Variants in ASB18 observed in about 807,000 individuals in gnomAD.
ASB18 encodes ankyrin repeat and SOCS box containing 18, also known as ankyrin repeat and SOCS box protein 18.
A neutral mutation model predicts 33.4 loss-of-function variants in ASB18; 33 were observed. The observed-to-expected ratio is 0.99, with a 90% CI of 0.75 to 1.32. The LOEUF is 1.32. Among genes scored for constraint, ASB18 ranks in the 40% most tolerant of loss-of-function variants. ASB18 has a pLI of 0.00. For synonymous variants in ASB18, 295 were observed against 307.6 expected, an observed-to-expected ratio of 0.96 and a Z score of 0.43; for missense variants, 694 against 655.5, an observed-to-expected ratio of 1.06 and a Z score of -0.64.
rs894193382 is a variant in ASB18, at chr2:236,220,209, C to T, written c.597-5343G>A. On this transcript the variant is annotated intron_variant, in intron 3 of 5. Transcript: ENST00000409749. The surrounding 1 kb of genome is among the most constrained non-coding windows in gnomAD (Gnocchi z 5.1). ...GGACTTTGGCCACTCCCTGCACACC[C>T]TCCCATCCACCCTCCAGCACCTTCC... Among the ~76,000 whole-genome samples the T allele has an allele frequency of 6.6e-6, 1 of 152,218 alleles. No homozygotes were observed. Among genetic ancestry groups the T allele is most frequent in the Non-Finnish European group, 1.5e-5 (1 of 68,024 alleles).
intron 4 of ASB18, among the ~76,000 whole-genome samples, chr2:236,210,947 T>C (rs1261755827): frequency 6.6e-6 from 1 of 152,164 alleles, no homozygotes. Flanking sequence ...ACCAGAAATG[T>C]GCTCCTCAAA....
At position 236,222,509 on chromosome 2, in the gene ASB18, ATTTGT is replaced by A. The variant is rs1361580923; in HGVS notation, c.597-7648_597-7644del. ...ACTGAAAAATGATTTAGTGAACAAG[ATTTGT>A]ACAGTCAGCTCCACTGTGTGCCCCA... On this transcript the variant is annotated intron_variant, in intron 3 of 5. Coordinates refer to ENST00000409749, the MANE Select transcript of ASB18 (RefSeq NM_212556.4). This position sits in a 1 kb window ranked among gnomAD's most constrained non-coding sequence, Gnocchi z 5.5. 6.6e-6 allele frequency among the ~76,000 whole-genome samples: 1 copy of A among 152,220 alleles called. No homozygotes were observed. The highest frequency in any genetic ancestry group is 1.5e-5 in the Non-Finnish European group (1 of 68,038).
chr2:236,254,496 A>G (rs912156624), intron 1 of ASB18, among the ~76,000 whole-genome samples: 12 of 151,632 alleles, frequency 7.9e-5, no homozygotes, highest in Non-Finnish European at 1.6e-4. Context: ...TTTTACCACT[A>G]AATTTGGGAA....
At chr2:236,218,963 G>C (rs1047209517) in intron 3 of ASB18, among the ~76,000 whole-genome samples, 3 of 151,672 alleles carry the variant, frequency 2.0e-5, no homozygotes, top group African/African-American at 7.3e-5. Context: ...CTGAACTTCT[G>C]GGCTCCAGCA....
chr2:236,261,306 C>T (rs1316713367), intron 1 of ASB18, among the ~76,000 whole-genome samples: 1 of 152,220 alleles, frequency 6.6e-6, no homozygotes, highest in Non-Finnish European at 1.5e-5. Flanking sequence ...TCTTCCTTTG[C>T]ATTGGCTTAG....
In ASB18 at chr2:236,255,765, C is replaced by A. The variant is rs983313924; in HGVS notation, c.205+8376G>T. 6.6e-6 allele frequency among the ~76,000 whole-genome samples: 1 copy of A among 152,168 alleles called. No homozygotes were observed. Among genetic ancestry groups the A allele is most frequent in the African/African-American group, 2.4e-5 (1 of 41,442 alleles). ...AATGTGTAGCCTCAAACAATATCGT[C>A]CCAATCTCTTTGCCTGGGGCTTCCT... On this transcript the variant is annotated intron_variant, in intron 1 of 5. Transcript: ENST00000409749. This position sits in a 1 kb window ranked among gnomAD's most constrained non-coding sequence, Gnocchi z 4.4.
chr2:236,219,815 T>C lies in ASB18; in HGVS notation c.597-4949A>G, dbSNP rs2060502948. On this transcript the variant is annotated intron_variant, in intron 3 of 5. Coordinates refer to ENST00000409749, the MANE Select transcript of ASB18 (RefSeq NM_212556.4). The surrounding 1 kb of genome is among the most constrained non-coding windows in gnomAD (Gnocchi z 6.4). ...GATTTTGTGAGTGGGTTTCCTGCTG[T>C]CCTGATAGAAAGGCAAAAGTCAGAA... 6.6e-6 allele frequency among the ~76,000 whole-genome samples: 1 copy of C among 152,154 alleles called. No individual in the cohort carries two copies. The highest frequency in any genetic ancestry group is 2.4e-5 in the African/African-American group (1 of 41,424).
chr2:236,233,436 C>T (rs2060576025), intron 3 of ASB18, among the ~76,000 whole-genome samples: 1 of 151,554 alleles, frequency 6.6e-6, no homozygotes, highest in South Asian at 2.1e-4. Context: ...CTAGCCAGTG[C>T]AATAAAATAA....
Position 236,214,380 on chromosome 2 carries a change from C to A in ASB18, c.1083G>T (p.Trp361Cys). The A allele has an allele frequency of 6.3e-7, 1 of 1,577,292 alleles. No homozygotes were observed. The highest frequency in any genetic ancestry group is 8.6e-7 in the Non-Finnish European group (1 of 1,166,258). Residue 361 changes from tryptophan (W) to cysteine (C), a missense_variant, in exon 4 of 6, where the codon TGG becomes TGT. Coordinates refer to ENST00000409749, the MANE Select transcript of ASB18 (RefSeq NM_212556.4). The surrounding 1 kb of genome is among the most constrained non-coding windows in gnomAD (Gnocchi z 6.5). Reference sequence around the variant, plus strand: ...GCCTTACCTTGGGGAAGGCGTCGGGCCACACGGTGGGAGAGCCGTGGTTGA... The same window carrying A: ...GCCTTACCTTGGGGAAGGCGTCGGGACACACGGTGGGAGAGCCGTGGTTGA... Reference protein sequence around the residue: ...ALLNHGSPTVWPDAFPKVLKT... With the variant: ...ALLNHGSPTVCPDAFPKVLKT...
Position 236,237,975 on chromosome 2 carries a change from G to A in ASB18, c.329-19C>T. 18 of 1,482,352 alleles carry A rather than the reference G, an allele frequency of 1.2e-5. No homozygotes were observed. The highest frequency in any genetic ancestry group is 1.6e-5 in the Non-Finnish European group (18 of 1,124,804). The allele number at this position is 1,482,352 out of a possible 1,614,324, so 91.8% of individuals were successfully genotyped here. A position where few individuals can be genotyped will look rare whatever the true frequency, so the allele number is the denominator to read the frequency against. ...CAGAGGCCTGCGGGGAGGGAGGTGG[G>A]ATGTAAGGTCAGGGGGAGGTTAGTT... On this transcript the variant is annotated intron_variant, in intron 2 of 5. Transcript: ENST00000409749. The surrounding 1 kb of genome is among the most constrained non-coding windows in gnomAD (Gnocchi z 6.2).
rs1369825408 is a variant in ASB18 at position 236,196,129 on chromosome 2, G to A, written c.1215+143C>T. 2.7e-5 allele frequency: 19 copies of A among 693,074 alleles called. No homozygotes were observed. The highest frequency in any genetic ancestry group is 3.8e-5 in the Non-Finnish European group (14 of 372,154). The allele number at this position is 693,074 out of a possible 1,614,324, so 42.9% of individuals were successfully genotyped here. ...GGAGCCTCCAGAAAAAACCAGAAACGTGCAAATACACCCTCATTTCCCATT... is the reference window on the plus strand; with the variant it reads ...GGAGCCTCCAGAAAAAACCAGAAACATGCAAATACACCCTCATTTCCCATT... On this transcript the variant is annotated intron_variant, in intron 5 of 5. Transcript: ENST00000409749. The surrounding 1 kb of genome is among the most constrained non-coding windows in gnomAD (Gnocchi z 5.6).
rs2060600498 is a variant in ASB18 at position 236,237,590 on chromosome 2, G to A, written c.596+99C>T. 4 of 1,043,074 alleles carry A rather than the reference G, an allele frequency of 3.8e-6. No individual in the cohort carries two copies. The highest frequency in any genetic ancestry group is 5.1e-6 in the Non-Finnish European group (4 of 788,788). 64.6% of individuals were successfully genotyped at this position (1,043,074 alleles called of 1,614,324 possible). A position where few individuals can be genotyped will look rare whatever the true frequency, so the allele number is the denominator to read the frequency against. ...GGGTCTGGGTCCGGAGGCGGGGGCT[G>A]GGACGGAGGCGGAGGCGGGGTCGGC... is the stretch of plus-strand genomic sequence containing the variant. On this transcript the variant is annotated intron_variant, in intron 3 of 5. Transcript: ENST00000409749. The surrounding 1 kb of genome is among the most constrained non-coding windows in gnomAD (Gnocchi z 6.2).
rs1440622864 is a variant in ASB18 at position 236,245,940 on chromosome 2, T to C, written c.206-4538A>G. On this transcript the variant is annotated intron_variant, in intron 1 of 5. Coordinates refer to ENST00000409749, the MANE Select transcript of ASB18 (RefSeq NM_212556.4). This position sits in a 1 kb window ranked among gnomAD's most constrained non-coding sequence, Gnocchi z 4.7. ...ACCCTTAGGGAAGAACACCATAACG[T>C]GGACGCTCGGCTGGCCTAGGGCAGG... Among the ~76,000 whole-genome samples the C allele has an allele frequency of 6.6e-6, 1 of 152,176 alleles. No homozygotes were observed. The highest frequency in any genetic ancestry group is 1.5e-5 in the Non-Finnish European group (1 of 68,038).
In ASB18 at chr2:236,195,677, G is replaced by A. The variant is rs1358410469; in HGVS notation, c.1215+595C>T. On this transcript the variant is annotated intron_variant, in intron 5 of 5. Coordinates refer to ENST00000409749, the MANE Select transcript of ASB18 (RefSeq NM_212556.4). This position sits in a 1 kb window ranked among gnomAD's most constrained non-coding sequence, Gnocchi z 5.5. ...ATTACAGGCGCTTGCCACCATGCTT[G>A]GGTAATTTCTGTATTTTCAGTAAAG... 1.3e-5 allele frequency among the ~76,000 whole-genome samples: 2 copies of A among 152,074 alleles called. No homozygotes were observed. Among genetic ancestry groups the A allele is most frequent in the Admixed American group, 6.6e-5 (1 of 15,260 alleles).
chr2:236,254,514 G>A (rs13393317), intron 1 of ASB18, among the ~76,000 whole-genome samples: 6,724 of 151,580 alleles, frequency 0.044, 245 homozygotes, highest in African/African-American at 0.11. Flanking sequence ...GAAACGTTTG[G>A]TAGTTATTTC....
At chr2:236,218,829 A>G (rs967376428) in intron 3 of ASB18, among the ~76,000 whole-genome samples, 2 of 151,202 alleles carry the variant, frequency 1.3e-5, no homozygotes, top group African/African-American at 4.8e-5. Flanking sequence ...AAAAGAAACC[A>G]GAAATTTTTC....
chr2:236,207,100 C>A (rs1167739976), intron 4 of ASB18, among the ~76,000 whole-genome samples: 1 of 152,220 alleles, frequency 6.6e-6, no homozygotes, highest in African/African-American at 2.4e-5. Flanking sequence ...CGACTAGAAG[C>A]CAGCTGATGG....
rs1397841770 is a variant in ASB18 at position 236,262,022 on chromosome 2, TG to T, written c.205+2118del. Among the ~76,000 whole-genome samples the T allele has an allele frequency of 1.3e-5, 2 of 152,078 alleles. No individual in the cohort carries two copies. The highest frequency in any genetic ancestry group is 3.8e-4 in the East Asian group (2 of 5,198). ...GCTATAATTCAAGATGAGATTTGGG[TG>T]GGGACACAGCCAAACCATATCAGTA... On this transcript the variant is annotated intron_variant, in intron 1 of 5. Coordinates refer to ENST00000409749, the MANE Select transcript of ASB18 (RefSeq NM_212556.4). The surrounding 1 kb of genome is among the most constrained non-coding windows in gnomAD (Gnocchi z 5.2).
rs2060431014 is a variant in ASB18, at chr2:236,206,028, A to G, written c.1101+8334T>C. On this transcript the variant is annotated intron_variant, in intron 4 of 5. Coordinates refer to ENST00000409749, the MANE Select transcript of ASB18 (RefSeq NM_212556.4). ...GCAGAGAACACCCTTTTCGATTGCCAACCAAAAGTTAAGACTTTCAGTGCA... is the reference window on the plus strand; with the variant it reads ...GCAGAGAACACCCTTTTCGATTGCCGACCAAAAGTTAAGACTTTCAGTGCA... Among the ~76,000 whole-genome samples, 3 of 152,208 alleles carry G rather than the reference A, an allele frequency of 2.0e-5. No individual in the cohort carries two copies. In the East Asian group the frequency reaches 5.8e-4, roughly 29 times the overall value.
Sources: allele counts gnomAD v4.1 joint callset (sites outside exome capture counted in the v4.1 genomes callset), GRCh38; gene constraint gnomAD v4.1.1; non-coding constraint Gnocchi (gnomAD v3.1); transcripts MANE v1.5; gene names NCBI Gene and HGNC (gene_info 2026-07-23, HGNC 2026-07-21).